The following RCBTB2 variants were observed in gnomAD, a reference collection of about 807,000 sequenced individuals.
The protein encoded by RCBTB2 is RCC1 and BTB domain-containing protein 2.
RCBTB2 carries 55 observed loss-of-function variants against 65.4 expected under a neutral mutation model. That is an observed-to-expected ratio of 0.84 (90% CI 0.68 to 1.05). RCBTB2 has a LOEUF of 1.05. RCBTB2 is among the 50% of genes least tolerant of loss of function. The pLI is 0.00. For missense variants in RCBTB2, 599 were observed against 680.1 expected (o/e 0.88, Z 1.33); for synonymous variants, 220 against 255.2 (o/e 0.86, Z 1.31).
In RCBTB2 at chr13:48,493,259, ACT is replaced by A. The variant is rs1491496143; in HGVS notation, c.1515+2930_1515+2931del. On this transcript the variant is annotated intron_variant, in intron 14 of 14. Transcript: ENST00000344532. ...CACACACACACACACACACACACAC[ACT>A]CTTCTCTCTCTCACCCTCTCTCTCT... Among the ~76,000 whole-genome samples, 763 of 121,764 alleles carry A rather than the reference ACT, an allele frequency of 6.3e-3. 28 individuals are homozygous for A. The highest frequency in any genetic ancestry group is 0.024 in the African/African-American group (718 of 29,496). The allele number at this position is 121,764 out of a possible 152,430, so 79.9% of individuals were successfully genotyped here.
chr13:48,502,744 G>A lies in RCBTB2; in HGVS notation c.1097C>T (p.Thr366Met), dbSNP rs143122031. 104 of 1,612,012 alleles carry A rather than the reference G, an allele frequency of 6.5e-5. No homozygotes were observed. Among genetic ancestry groups the A allele is most frequent in the South Asian group, 1.8e-4 (16 of 90,972 alleles). The change falls in exon 11 of 15, where the codon ACG (threonine) becomes ATG (methionine). Residue 366 changes from threonine (T) to methionine (M), a missense_variant. By Grantham distance (81) the Thr-to-Met change is moderately conservative. Transcript: ENST00000344532. ...VFACFATPAV[T>M]WRLLSVEPDD... is the part of the protein sequence containing the mutation. ...CTTACCCACGGAGAGGAGGCGCCAC[G>A]TGACGGCGGGCGTGGCAAAGCAGGC...
chr13:48,527,214 A>G (rs982887084), intron 1 of RCBTB2, among the ~76,000 whole-genome samples: 2 of 150,048 alleles, frequency 1.3e-5, no homozygotes, highest in African/African-American at 2.5e-5. Context: ...AGATCATCTC[A>G]TATCATCTTA....
intron 4 of RCBTB2, among the ~76,000 whole-genome samples, chr13:48,517,228 G>T (rs1951140642): frequency 1.3e-5 from 2 of 152,322 alleles, no homozygotes; most frequent in South Asian, 4.1e-4. Flanking sequence ...GGAGGACAGA[G>T]ACCGAGTCTT....
intron 14 of RCBTB2, chr13:48,491,671 G>A (rs1317407310): frequency 1.3e-5 from 2 of 152,222 alleles, no homozygotes; most frequent in Non-Finnish European, 2.9e-5. Flanking sequence ...ACACATTAGA[G>A]TGTGTCTGGA....
At position 48,499,631 on chromosome 13, in the gene RCBTB2, C is replaced by T; in HGVS notation, c.1374G>A (p.Glu458=). 6.2e-7 allele frequency: 1 copy of T among 1,614,040 alleles called. No individual in the cohort carries two copies. The highest frequency in any genetic ancestry group is 8.5e-7 in the Non-Finnish European group (1 of 1,179,982). ...LYTDSISLSP[E]EAVGLLDLAT... is the part of the protein sequence containing the mutation. ...GTCTTTGGCAATTACCTACTGCCTC[C>T]TCAGGAGAAAGGCTGATGCTGTCTG... The change falls in exon 13 of 15, where the codon GAG becomes GAA. Residue 458 remains glutamate, a synonymous_variant. Transcript: ENST00000344532.
upstream of RCBTB2, among the ~76,000 whole-genome samples, chr13:48,533,576 T>C (rs1366025147): frequency 6.6e-6 from 1 of 152,202 alleles, no homozygotes; most frequent in African/African-American, 2.4e-5. Flanking sequence ...TGTAGCCCCC[T>C]GTAGTACAAA....
intron 1 of RCBTB2, among the ~76,000 whole-genome samples, chr13:48,528,947 C>G (rs1951954372): frequency 6.6e-6 from 1 of 152,144 alleles, no homozygotes; most frequent in South Asian, 2.1e-4. Flanking sequence ...GTGTAGAATA[C>G]AGAAACCCTG....
Position 48,522,407 on chromosome 13 carries a change from G to GGA in RCBTB2, c.-119-5_-119-4insTC. 1.0e-6 allele frequency: 1 copy of GGA among 996,598 alleles called. No homozygotes were observed. 61.7% of individuals were successfully genotyped at this position (996,598 alleles called of 1,614,324 possible). ...GAAGAATATATGATTTGCTAAGCTG[G>GGA]AAAAAAAAAAGGAGAAATGAATGAA... On this transcript the variant is annotated splice_polypyrimidine_tract_variant and splice_region_variant and intron_variant, in intron 2 of 14. Transcript: ENST00000344532.
In RCBTB2 at chr13:48,510,788, C is replaced by T; in HGVS notation, c.784-17G>A. 1 of 1,604,448 alleles carries T rather than the reference C, an allele frequency of 6.2e-7. No individual in the cohort carries two copies. The highest frequency in any genetic ancestry group is 1.7e-4 in the Middle Eastern group (1 of 6,016). On this transcript the variant is annotated splice_polypyrimidine_tract_variant and intron_variant, in intron 9 of 14. Transcript: ENST00000344532. ...ACAGGCGACCTGGAAGGAAAAAAAT[C>T]CACTCAGGACTGCAAATATAAGTAA...
chr13:48,510,862 A>C, intron 9 of RCBTB2, 91 bp from the exon 10 acceptor site: 1 of 1,371,474 alleles, frequency 7.3e-7, no homozygotes, highest in Non-Finnish European at 1.0e-6. Flanking sequence ...AATGAAAAAA[A>C]AAGGAAGAGG....
In RCBTB2 at chr13:48,496,195, G is replaced by A; in HGVS notation, c.1511C>T (p.Ala504Val). Residue 504 changes from alanine to valine, a missense_variant, in exon 14 of 15, where the codon GCA becomes GTA. Coordinates refer to ENST00000344532, the MANE Select transcript of RCBTB2 (RefSeq NM_001268.4). ...CTGGAAGCAAGCTTTCCTTACCTGTGCATCATACTTCACCGCAGCCGAGAG... is the reference window on the plus strand; with the variant it reads ...CTGGAAGCAAGCTTTCCTTACCTGTACATCATACTTCACCGCAGCCGAGAG... ...ALLSAAVKYD[A>V]QDLEEFCFRF... The A allele has an allele frequency of 6.6e-7, 1 of 1,514,478 alleles. No homozygotes were observed. Among genetic ancestry groups the A allele is most frequent in the South Asian group, 1.3e-5 (1 of 77,750 alleles). 93.8% of individuals were successfully genotyped at this position (1,514,478 alleles called of 1,614,324 possible).
chr13:48,492,665 GA>G (rs1460812563), intron 14 of RCBTB2: 1 of 152,352 alleles, frequency 6.6e-6, no homozygotes, highest in Non-Finnish European at 1.5e-5. Context: ...GTGTGGTTCG[GA>G]CTTCTTCCTT....
At position 48,521,973 on chromosome 13, in the gene RCBTB2, A is replaced by C. The variant is rs758737276; in HGVS notation, c.-23-11T>G. 3.1e-6 allele frequency: 5 copies of C among 1,611,546 alleles called. No homozygotes were observed. The highest frequency in any genetic ancestry group is 1.7e-5 in the Admixed American group (1 of 59,524). On this transcript the variant is annotated splice_polypyrimidine_tract_variant and intron_variant, in intron 3 of 14. Coordinates refer to ENST00000344532, the MANE Select transcript of RCBTB2 (RefSeq NM_001268.4). ...AGTCCTGGGCAGTCCCTGAGGAAAA[A>C]GTATGTGGTAAAATCAGGATCCCTT...
rs372873209 is a variant in RCBTB2 at position 48,515,641 on chromosome 13, G to A, written c.143C>T (p.Ala48Val). ...ATTGCCAGCACTGCCAAAGACACAA[G>A]CCTGACGAATTAACTGTAGTTCTTC... ...SEEELQLIRQ[A>V]CVFGSAGNEV... The change falls in exon 5 of 15, where the codon GCT becomes GTT. Residue 48 changes from alanine (A) to valine (V), a missense_variant. By Grantham distance (64) the Ala-to-Val change is moderately conservative (BLOSUM62 0). Coordinates refer to ENST00000344532, the MANE Select transcript of RCBTB2 (RefSeq NM_001268.4). 68 of 1,613,758 alleles carry A rather than the reference G, an allele frequency of 4.2e-5. No individual in the cohort carries two copies. The highest frequency in any genetic ancestry group is 5.5e-5 in the Non-Finnish European group (65 of 1,179,910).
chr13:48,504,471 T>A (rs372568472), intron 10 of RCBTB2: 1 of 394,200 alleles, frequency 2.5e-6, no homozygotes, highest in African/African-American at 2.2e-5. Flanking sequence ...CTCTCTGCCT[T>A]ACAAACCCTA....
At chr13:48,491,735 T>C (rs1949708650) in intron 14 of RCBTB2, 1 of 151,934 alleles carries the variant, frequency 6.6e-6, no homozygotes. Flanking sequence ...ATCAGGAAAA[T>C]TGCTAATTAA....
intron 7 of RCBTB2, 33 bp from the exon 8 acceptor site, chr13:48,512,207 A>G: frequency 6.3e-7 from 1 of 1,576,920 alleles, no homozygotes; most frequent in Non-Finnish European, 8.7e-7. Context: ...AATGAAACAG[A>G]TTAATTTATA....
At chr13:48,518,324 C>T (rs1013509566) in intron 4 of RCBTB2, among the ~76,000 whole-genome samples, 1 of 151,930 alleles carries the variant, frequency 6.6e-6, no homozygotes, top group Non-Finnish European at 1.5e-5. Context: ...TCACGTGCCA[C>T]TTGGATCATA....
intron 14 of RCBTB2, 152 bp downstream of exon 14, chr13:48,496,039 G>T: frequency 1.8e-6 from 1 of 551,922 alleles, no homozygotes; most frequent in Non-Finnish European, 2.7e-6. Context: ...ATAAATACTT[G>T]CTTATACGTT....
Sources: gnomAD v4.1 joint callset for allele counts (sites outside exome capture counted in the v4.1 genomes callset) on GRCh38, gnomAD v4.1.1 for gene constraint, MANE v1.5 for transcripts, NCBI Gene and HGNC (gene_info 2026-07-23, HGNC 2026-07-21) for gene names.